CSPP1: variants seen among roughly 807,000 people sequenced by gnomAD.
The protein encoded by CSPP1 is centrosome and spindle pole associated protein 1.
CSPP1 carries 126 observed loss-of-function variants against 164.4 expected under a neutral mutation model. The observed-to-expected ratio is 0.77, with a 90% CI of 0.66 to 0.89. The LOEUF is 0.89. Among genes scored for constraint, CSPP1 ranks in the 40% least tolerant of loss-of-function variants. The pLI, the probability that CSPP1 is intolerant of heterozygous loss-of-function variation, is 0.00. For synonymous variants in CSPP1, 472 were observed against 476.7 expected (o/e 0.99, Z 0.13); for missense variants, 1,395 against 1,449.8 (o/e 0.96, Z 0.61).
intron 12 of CSPP1, chr8:67,115,319 T>G (rs1817707766): frequency 6.6e-6 from 1 of 152,320 alleles, no homozygotes; most frequent in Non-Finnish European, 1.5e-5. Flanking sequence ...TTACTAATAG[T>G]GAGACCTTAG....
chr8:67,086,182 T>G (rs749052210), intron 4 of CSPP1, 72 bp downstream of exon 4: 1 of 805,712 alleles, frequency 1.2e-6, no homozygotes, highest in Non-Finnish European at 2.2e-6. Context: ...TCATAAGGTA[T>G]TAGTCATATG....
At chr8:67,186,964 A>G (rs1171021892) in intron 28 of CSPP1, among the ~76,000 whole-genome samples, 2 of 141,430 alleles carry the variant, frequency 1.4e-5, no homozygotes, top group Non-Finnish European at 3.1e-5. Flanking sequence ...GTATAAATCT[A>G]TCTATCATCT....
intron 19 of CSPP1, among the ~76,000 whole-genome samples, chr8:67,155,739 G>A (rs1413578794): frequency 6.6e-6 from 1 of 152,158 alleles, no homozygotes; most frequent in Non-Finnish European, 1.5e-5. Flanking sequence ...AGTGAGCCAA[G>A]ATATGCCACT....
chr8:67,143,067 CCA>C (rs1563667180), intron 17 of CSPP1, among the ~76,000 whole-genome samples: 2 of 151,982 alleles, frequency 1.3e-5, no homozygotes, highest in Non-Finnish European at 2.9e-5. Context: ...TCGAATTTTA[CCA>C]GTTTTTTTTT....
intron 3 of CSPP1, chr8:67,083,711 T>G (rs1809810182): frequency 6.6e-6 from 1 of 151,838 alleles, no homozygotes; most frequent in Non-Finnish European, 1.5e-5. Context: ...TGTAAATTGC[T>G]TGTTCCTGGA....
Position 67,074,278 on chromosome 8 carries a change from T to A in CSPP1, c.26T>A (p.Ile9Asn). ...ATGGCTGATAATTTGGATGAATTTA[T>A]TGAAGAGCAAAAAGCCAGATTGGCC... Reference protein sequence around the residue: MADNLDEFIEEQKARLAED... With the variant: MADNLDEFNEEQKARLAED... Residue 9 changes from isoleucine (I) to asparagine (N), a missense_variant, in exon 2 of 31, where the codon ATT (isoleucine) becomes AAT (asparagine). Transcript: ENST00000678616. 1 of 1,611,388 alleles carries A rather than the reference T, an allele frequency of 6.2e-7. No homozygotes were observed. Among genetic ancestry groups the A allele is most frequent in the Non-Finnish European group, 8.5e-7 (1 of 1,178,720 alleles).
chr8:67,165,126 T>C (rs1586656432), intron 24 of CSPP1, among the ~76,000 whole-genome samples: 1 of 151,996 alleles, frequency 6.6e-6, no homozygotes, highest in Non-Finnish European at 1.5e-5. Flanking sequence ...CTACTAAAAA[T>C]ACAAAAAATT....
chr8:67,193,169 T>A (rs1022138974), intron 29 of CSPP1, among the ~76,000 whole-genome samples: 7 of 152,066 alleles, frequency 4.6e-5, no homozygotes, highest in Non-Finnish European at 1.0e-4. Context: ...CAGGCTGGAG[T>A]CCAGTGGCAC....
chr8:67,073,149 T>C (rs1205116761), intron 1 of CSPP1, among the ~76,000 whole-genome samples: 3 of 152,186 alleles, frequency 2.0e-5, no homozygotes, highest in Admixed American at 6.5e-5. Flanking sequence ...TACATTCTTA[T>C]ACATTGGAAT....
intron 9 of CSPP1, among the ~76,000 whole-genome samples, chr8:67,107,520 A>G (rs1279010980): frequency 6.6e-6 from 1 of 152,216 alleles, no homozygotes; most frequent in Non-Finnish European, 1.5e-5. Flanking sequence ...TTGGTAAGAC[A>G]ATGGACTCTA....
Position 67,103,136 on chromosome 8 carries a change from G to T in CSPP1, c.1022+1G>T, listed in dbSNP as rs2129547115. ...GAATTTCATCTGCTGAAAATAAAAG[G>T]TACAGTATGTAATATAAATTCTCTG... On this transcript the variant is annotated splice_donor_variant, in intron 8 of 30. Coordinates refer to ENST00000678616, the MANE Select transcript of CSPP1 (RefSeq NM_001382391.1). LOFTEE classifies it high-confidence loss of function. The T allele has an allele frequency of 6.5e-7, 1 of 1,529,560 alleles. No homozygotes were observed. Among genetic ancestry groups the T allele is most frequent in the Middle Eastern group, 1.7e-4 (1 of 5,884 alleles). The allele number at this position is 1,529,560 out of a possible 1,614,324, so 94.7% of individuals were successfully genotyped here.
intron 15 of CSPP1, among the ~76,000 whole-genome samples, chr8:67,127,359 C>G (rs571820334): frequency 6.6e-6 from 1 of 152,234 alleles, no homozygotes; most frequent in East Asian, 1.9e-4. Context: ...CTGGCTTTGT[C>G]ATTGTATCCT....
At chr8:67,170,188 T>C (rs890021558) in intron 24 of CSPP1, among the ~76,000 whole-genome samples, 1 of 151,246 alleles carries the variant, frequency 6.6e-6, no homozygotes, top group African/African-American at 2.4e-5. Context: ...CTCACCCCTG[T>C]AATCCCAGCA....
intron 4 of CSPP1, among the ~76,000 whole-genome samples, chr8:67,091,082 T>C (rs1343090855): frequency 6.6e-6 from 1 of 152,246 alleles, no homozygotes; most frequent in Non-Finnish European, 1.5e-5. Flanking sequence ...AGCGATTTTA[T>C]ATTTTTTGTC....
chr8:67,168,915 G>T (rs182838813), intron 24 of CSPP1, among the ~76,000 whole-genome samples: 2 of 152,258 alleles, frequency 1.3e-5, no homozygotes, highest in East Asian at 3.9e-4. Context: ...TTAGTATTTT[G>T]CATTATAGTA....
At chr8:67,159,850 CTT>C (rs1200830225) in intron 21 of CSPP1, among the ~76,000 whole-genome samples, 1,323 of 91,444 alleles carry the variant, frequency 0.014, 78 homozygotes, top group African/African-American at 0.02. Context: ...TTCTTTCTTT[CTT>C]TTTCTTTCTT....
At chr8:67,141,897 C>T (rs1466176462) in intron 17 of CSPP1, among the ~76,000 whole-genome samples, 1 of 152,168 alleles carries the variant, frequency 6.6e-6, no homozygotes, top group Non-Finnish European at 1.5e-5. Flanking sequence ...GACCACATAA[C>T]GTCTGTTCAT....
chr8:67,093,473 G>C, intron 5 of CSPP1, 70 bp from the exon 6 acceptor site: 2 of 875,784 alleles, frequency 2.3e-6, no homozygotes, highest in Middle Eastern at 2.7e-4. Context: ...TTGACATTCT[G>C]ATAGGACATT....
intron 15 of CSPP1, among the ~76,000 whole-genome samples, chr8:67,124,007 C>T (rs893083409): frequency 6.6e-6 from 1 of 151,178 alleles, no homozygotes; most frequent in Non-Finnish European, 1.5e-5. Flanking sequence ...TCATGTCATT[C>T]TCCTGCCTCA....
Sources: allele counts gnomAD v4.1 joint callset (sites outside exome capture counted in the v4.1 genomes callset), GRCh38; gene constraint gnomAD v4.1.1; transcripts MANE v1.5; gene names NCBI Gene and HGNC (gene_info 2026-07-23, HGNC 2026-07-21).